TEX2: variants seen among roughly 807,000 people sequenced by gnomAD.
The protein encoded by TEX2 is testis-expressed protein 2.
TEX2 carries 53 observed loss-of-function variants against 106.9 expected under a neutral mutation model. The observed-to-expected ratio is 0.50, with a 90% CI of 0.40 to 0.62. TEX2 has a LOEUF of 0.62. Ranked by LOEUF, TEX2 falls within the 20% of genes least tolerant of loss-of-function variation. The pLI is 0.00. For synonymous variants in TEX2, 523 were observed against 534.8 expected, an observed-to-expected ratio of 0.98 and a Z score of 0.30; for missense variants, 1,207 against 1,379.0, an observed-to-expected ratio of 0.88 and a Z score of 1.98.
At chr17:64,181,041 C>G (rs976315438) in intron 5 of TEX2, among the ~76,000 whole-genome samples, 3 of 152,184 alleles carry the variant, frequency 2.0e-5, no homozygotes, top group African/African-American at 2.4e-5. Context: ...ATTATAAAAA[C>G]AATGCATATT....
intron 6 of TEX2, among the ~76,000 whole-genome samples, chr17:64,174,945 C>T (rs1196703519): frequency 6.6e-6 from 1 of 152,202 alleles, no homozygotes; most frequent in Non-Finnish European, 1.5e-5. Flanking sequence ...GACTACAGGG[C>T]AAGGCCAGCA....
Position 64,198,356 on chromosome 17 carries a change from TA to T in TEX2, c.1645-3262del, listed in dbSNP as rs545872241. Among the ~76,000 whole-genome samples, 985 of 150,872 alleles carry T rather than the reference TA, an allele frequency of 6.5e-3. 7 individuals are homozygous for T. The highest frequency in any genetic ancestry group is 0.01 in the Non-Finnish European group (700 of 67,888). On this transcript the variant is annotated intron_variant, in intron 2 of 11. Coordinates refer to ENST00000584379, the MANE Select transcript of TEX2 (RefSeq NM_001288732.2). The stretch of plus-strand genomic sequence containing the variant: ...AAAGTTCTAAAGGCAACTAGATTAA[TA>T]AAGAACTTGAAGCAGATATAATCGT...
chr17:64,193,512 T>C, intron 4 of TEX2, 47 bp downstream of exon 4: 1 of 1,384,720 alleles, frequency 7.2e-7, no homozygotes, highest in Non-Finnish European at 9.6e-7. Flanking sequence ...CTATTCTCCC[T>C]AGTGGCCCTT....
intron 1 of TEX2, among the ~76,000 whole-genome samples, chr17:64,250,074 C>A (rs1243116433): frequency 6.6e-6 from 1 of 152,192 alleles, no homozygotes; most frequent in Non-Finnish European, 1.5e-5. Flanking sequence ...CAAAGAGGCT[C>A]AATTCCTGAG....
At chr17:64,255,522 T>A (rs1234105468) in intron 1 of TEX2, among the ~76,000 whole-genome samples, 2 of 152,378 alleles carry the variant, frequency 1.3e-5, no homozygotes, top group African/African-American at 4.8e-5. Context: ...GAGTAATAGA[T>A]GCCTGATATC....
chr17:64,153,268 G>T lies in TEX2; in HGVS notation c.2931-114C>A. The T allele has an allele frequency of 1.3e-6, 1 of 747,962 alleles. No homozygotes were observed. The highest frequency in any genetic ancestry group is 2.2e-6 in the Non-Finnish European group (1 of 450,978). 46.3% of individuals were successfully genotyped at this position (747,962 alleles called of 1,614,324 possible). A position where few individuals can be genotyped will look rare whatever the true frequency, so the allele number is the denominator to read the frequency against. On this transcript the variant is annotated intron_variant, in intron 9 of 11. Transcript: ENST00000584379. The surrounding 1 kb of genome is among the most constrained non-coding windows in gnomAD (Gnocchi z 4.1). ...GAGCACCACTCGATGTTTTGGATGT[G>T]GTGATTCTGTGTTGGGGCGGGGGGC...
At chr17:64,226,920 C>G (rs1422683073) in intron 1 of TEX2, among the ~76,000 whole-genome samples, 1 of 151,850 alleles carries the variant, frequency 6.6e-6, no homozygotes, top group African/African-American at 2.4e-5. Context: ...AAGGAGACAA[C>G]ACATAGACAT....
At chr17:64,159,107 C>T (rs1050520500) in intron 8 of TEX2, among the ~76,000 whole-genome samples, 1 of 152,112 alleles carries the variant, frequency 6.6e-6, no homozygotes, top group African/African-American at 2.4e-5. Context: ...AACTGGGCTA[C>T]GAGGGCTGCA....
At chr17:64,152,656 C>T (rs1008567885) in intron 10 of TEX2, among the ~76,000 whole-genome samples, 6 of 152,208 alleles carry the variant, frequency 3.9e-5, no homozygotes, top group African/African-American at 1.4e-4. Flanking sequence ...GAACAGTTGG[C>T]TTTACAGAGG....
At chr17:64,188,018 A>C in intron 5 of TEX2, 150 bp downstream of exon 5, 1 of 826,128 alleles carries the variant, frequency 1.2e-6, no homozygotes. Context: ...CTTCCTGAGT[A>C]GATTACAAGT....
chr17:64,165,470 C>T (rs2031086428), intron 7 of TEX2, among the ~76,000 whole-genome samples: 1 of 152,232 alleles, frequency 6.6e-6, no homozygotes, highest in African/African-American at 2.4e-5. Context: ...AAGTGTTTTT[C>T]TTCCCGTAGC....
intron 1 of TEX2, among the ~76,000 whole-genome samples, chr17:64,224,380 C>T (rs1312265495): frequency 1.3e-5 from 2 of 152,226 alleles, no homozygotes; most frequent in Non-Finnish European, 2.9e-5. Context: ...TCAAGTACAT[C>T]TTAAGAGCTA....
intron 11 of TEX2, 117 bp downstream of exon 11, chr17:64,150,724 T>G: frequency 8.9e-7 from 1 of 1,123,142 alleles, no homozygotes. Flanking sequence ...TCTTCCGGGA[T>G]GAAGGTCACC....
chr17:64,261,563 A>G (rs1555638555), intron 1 of TEX2, among the ~76,000 whole-genome samples: 1 of 152,116 alleles, frequency 6.6e-6, no homozygotes, highest in South Asian at 2.1e-4. Context: ...GTTGCTTGTC[A>G]GTAGACTCAA....
chr17:64,210,946 T>C (rs1555631455), intron 2 of TEX2, among the ~76,000 whole-genome samples: 1 of 151,876 alleles, frequency 6.6e-6, no homozygotes, highest in African/African-American at 2.4e-5. Context: ...AGCCTACCTC[T>C]GTTACTTATT....
At chr17:64,155,138 A>G (rs1324374500) in intron 8 of TEX2, 171 bp from the exon 9 acceptor site, 1 of 775,158 alleles carries the variant, frequency 1.3e-6, no homozygotes, top group Non-Finnish European at 1.8e-6. Flanking sequence ...GCCCAATCCA[A>G]GAATCCTTGG....
At chr17:64,179,781 T>A (rs1018975770) in intron 5 of TEX2, among the ~76,000 whole-genome samples, 4 of 141,742 alleles carry the variant, frequency 2.8e-5, no homozygotes, top group African/African-American at 7.9e-5. Context: ...AAAAAAAAAA[T>A]GGTTTAAAAA....
At chr17:64,224,028 A>G (rs1345607461) in intron 1 of TEX2, among the ~76,000 whole-genome samples, 1 of 152,144 alleles carries the variant, frequency 6.6e-6, no homozygotes, top group Non-Finnish European at 1.5e-5. Context: ...CATTATTCAC[A>G]TTCTTTGTCT....
intron 2 of TEX2, among the ~76,000 whole-genome samples, chr17:64,207,542 AT>A (rs1301840555): frequency 3.3e-5 from 5 of 152,166 alleles, no homozygotes; most frequent in African/African-American, 1.2e-4. Flanking sequence ...CAGCTCACTT[AT>A]CCCCTGAAAT....
Sources: allele counts gnomAD v4.1 joint callset (sites outside exome capture counted in the v4.1 genomes callset), GRCh38; gene constraint gnomAD v4.1.1; non-coding constraint Gnocchi (gnomAD v3.1); transcripts MANE v1.5; gene names NCBI Gene and HGNC (gene_info 2026-07-23, HGNC 2026-07-21).